Variants in FGF14 observed in about 807,000 individuals in gnomAD.
FGF14 encodes the protein fibroblast growth factor homologous factor 4.
A neutral mutation model predicts 25.5 loss-of-function variants in FGF14; 5 were observed. The ratio of observed to expected loss-of-function variants is 0.20; its 90% CI spans 0.10 to 0.41. FGF14 has a LOEUF of 0.41. FGF14 is among the 10% of genes least tolerant of loss of function. The pLI, the probability that FGF14 is intolerant of heterozygous loss-of-function variation, is 1.00. For missense variants in FGF14, 222 were observed against 320.1 expected, an observed-to-expected ratio of 0.69 and a Z score of 2.34; for synonymous variants, 138 against 118.3, an observed-to-expected ratio of 1.17 and a Z score of -1.08.
chr13:102,232,174 T>C (rs2051114462), intron 1 of FGF14, among the ~76,000 whole-genome samples: 1 of 152,220 alleles, frequency 6.6e-6, no homozygotes, highest in Non-Finnish European at 1.5e-5. Flanking sequence ...TACACATACA[T>C]TGAACAAACC....
intron 1 of FGF14, among the ~76,000 whole-genome samples, chr13:102,011,579 C>T (rs539828455): frequency 1.3e-4 from 19 of 148,824 alleles, no homozygotes; most frequent in African/African-American, 4.2e-4. Flanking sequence ...CTTTGCCATA[C>T]GCAGGAGTAT....
At chr13:102,045,793 A>C (rs2041955089) in intron 1 of FGF14, 1 of 152,194 alleles carries the variant, frequency 6.6e-6, no homozygotes, top group Admixed American at 6.6e-5. Flanking sequence ...ATTCAGCCTG[A>C]AAATCTTTGC....
rs903698436 is a variant in FGF14, at chr13:101,916,717, G to C, written c.-72C>G. The stretch of plus-strand genomic sequence containing the variant: ...CGAGCCGGGGGCACCGGAGGGGAAG[G>C]CGGCGGCGCAGACCGTGGCTCGCCC... On this transcript the variant is annotated 5_prime_UTR_variant, in exon 1 of 5. Coordinates refer to ENST00000376143, the MANE Select transcript of FGF14 (RefSeq NM_004115.4). 1 of 1,353,504 alleles carries C rather than the reference G, an allele frequency of 7.4e-7. No homozygotes were observed. The highest frequency in any genetic ancestry group is 2.7e-5 in the Admixed American group (1 of 36,666). The allele number at this position is 1,353,504 out of a possible 1,614,324, so 83.8% of individuals were successfully genotyped here.
At chr13:102,184,094 G>C (rs553195812) in intron 1 of FGF14, among the ~76,000 whole-genome samples, 53 of 152,230 alleles carry the variant, frequency 3.5e-4, no homozygotes, top group African/African-American at 1.2e-3. Flanking sequence ...TCACTCAGGG[G>C]ACTTGGTAAT....
intron 1 of FGF14, among the ~76,000 whole-genome samples, chr13:102,180,280 T>C (rs906879017): frequency 1.3e-5 from 2 of 152,152 alleles, no homozygotes; most frequent in Non-Finnish European, 2.9e-5. Context: ...AATATTGAAA[T>C]TTGTAATACC....
rs927120029 is a variant in FGF14 at position 102,052,905 on chromosome 13, T to C, written c.209-177609A>G. Among the ~76,000 whole-genome samples the C allele has an allele frequency of 4.6e-5, 7 of 152,246 alleles. No homozygotes were observed. In the East Asian group the frequency reaches 1.3e-3, roughly 29 times the overall value. On this transcript the variant is annotated intron_variant, in intron 1 of 4. Transcript: ENST00000376131. ...ACTCTAATACTGTAATAGTGGTGTG[T>C]ACATCACTTATGTCTTTAGTGTGAT...
chr13:101,957,757 T>C (rs2036598091), intron 1 of FGF14, among the ~76,000 whole-genome samples: 1 of 152,194 alleles, frequency 6.6e-6, no homozygotes, highest in Non-Finnish European at 1.5e-5. Flanking sequence ...AGGCCTACTA[T>C]TTGCAAACAC....
intron 1 of FGF14, among the ~76,000 whole-genome samples, chr13:102,087,575 C>G (rs1351671558): frequency 1.3e-5 from 1 of 79,878 alleles, no homozygotes; most frequent in East Asian, 4.2e-4. Flanking sequence ...CCATGCCTGG[C>G]TTTTTTTTTT....
At chr13:102,342,211 A>G (rs185161163) in intron 1 of FGF14, among the ~76,000 whole-genome samples, 180 of 152,274 alleles carry the variant, frequency 1.2e-3, no homozygotes, top group Admixed American at 4.4e-3. Flanking sequence ...GCAGGGGAAC[A>G]ATGAAGAGCA....
intron 3 of FGF14, among the ~76,000 whole-genome samples, chr13:101,825,437 TGCTATTCTTGAAATAGGA>T (rs915739019): frequency 4.6e-5 from 7 of 152,226 alleles, no homozygotes; most frequent in African/African-American, 1.7e-4. Context: ...TTTACTAAAG[TGCTATTCTTGAAATAGGA>T]GGGCTATAAG....
chr13:101,808,178 A>C (rs1490307367), intron 3 of FGF14, among the ~76,000 whole-genome samples: 1 of 152,072 alleles, frequency 6.6e-6, no homozygotes, highest in Non-Finnish European at 1.5e-5. Flanking sequence ...CTCATAGCTC[A>C]AGTGATTTGC....
intron 1 of FGF14, among the ~76,000 whole-genome samples, chr13:102,179,188 A>G (rs1285459811): frequency 6.6e-6 from 1 of 152,106 alleles, no homozygotes; most frequent in African/African-American, 2.4e-5. Flanking sequence ...GTGGTAAAGA[A>G]ATAGGTGAGT....
chr13:102,358,180 A>C (rs916497047), intron 1 of FGF14, among the ~76,000 whole-genome samples: 4 of 152,224 alleles, frequency 2.6e-5, no homozygotes, highest in Non-Finnish European at 5.9e-5. Context: ...CTAAATAATG[A>C]TTGCATATTA....
chr13:102,315,398 C>A (rs1329595399), intron 1 of FGF14, among the ~76,000 whole-genome samples: 1 of 152,114 alleles, frequency 6.6e-6, no homozygotes, highest in Non-Finnish European at 1.5e-5. Flanking sequence ...AAAACTATCA[C>A]TTCTCTCAAC....
At chr13:101,928,957 T>C (rs770533227) in intron 1 of FGF14, among the ~76,000 whole-genome samples, 4 of 152,154 alleles carry the variant, frequency 2.6e-5, no homozygotes, top group Non-Finnish European at 4.4e-5. Flanking sequence ...GTTTGCAAAA[T>C]AGGCCTCGCT....
At chr13:101,809,133 T>A (rs1198378485) in intron 3 of FGF14, among the ~76,000 whole-genome samples, 1 of 142,538 alleles carries the variant, frequency 7.0e-6, no homozygotes, top group East Asian at 2.1e-4. Context: ...CAAAACTTAT[T>A]TTTTCACAAT....
rs143588589 is a variant in FGF14, at chr13:102,000,375, G to A, written c.209-125079C>T. 2.5e-3 allele frequency among the ~76,000 whole-genome samples: 375 copies of A among 152,290 alleles called. 2 individuals carry two copies. The highest frequency in any genetic ancestry group is 8.4e-3 in the African/African-American group (351 of 41,560). ...AGAACATTTCACAGCATGTGAAAAT[G>A]CTTATATTGTTTTAAAAACAGAGTA... On this transcript the variant is annotated intron_variant, in intron 1 of 4. Transcript: ENST00000376131.
At chr13:102,004,470 T>G (rs891407033) in intron 1 of FGF14, among the ~76,000 whole-genome samples, 1 of 152,218 alleles carries the variant, frequency 6.6e-6, no homozygotes, top group Non-Finnish European at 1.5e-5. Context: ...AAGTATTCTC[T>G]GTAGCAAAAC....
chr13:102,059,305 G>T (rs972250167), intron 1 of FGF14, among the ~76,000 whole-genome samples: 1 of 152,098 alleles, frequency 6.6e-6, no homozygotes, highest in African/African-American at 2.4e-5. Context: ...GCAAGCCAAT[G>T]GCCTTTAGAA....
Sources: allele counts gnomAD v4.1 joint callset (sites outside exome capture counted in the v4.1 genomes callset), GRCh38; gene constraint gnomAD v4.1.1; transcripts MANE v1.5; gene names NCBI Gene and HGNC (gene_info 2026-07-23, HGNC 2026-07-21).